The following CCDC149 variants were observed in gnomAD, a reference collection of about 807,000 sequenced individuals.
CCDC149 encodes the protein coiled-coil domain containing 149, also known as coiled-coil domain-containing protein 149.
In CCDC149, 45 loss-of-function variants were observed where a neutral mutation model predicts 59.9. The observed-to-expected ratio is 0.75, with a 90% CI of 0.59 to 0.96. The LOEUF (loss-of-function observed/expected upper bound fraction) is 0.96. CCDC149 is among the 40% of genes least tolerant of loss of function. CCDC149 has a pLI of 0.00. For synonymous variants in CCDC149, 245 were observed against 260.6 expected (o/e 0.94, Z 0.58); for missense variants, 584 against 664.7 (o/e 0.88, Z 1.33).
chr4:24,978,012 G>T (rs1724281825), intron 1 of CCDC149, among the ~76,000 whole-genome samples: 1 of 152,138 alleles, frequency 6.6e-6, no homozygotes, highest in African/African-American at 2.4e-5. Context: ...CACACCTTTA[G>T]TCCCAGCTAC....
intron 1 of CCDC149, among the ~76,000 whole-genome samples, chr4:24,947,118 G>T (rs1723133815): frequency 6.6e-6 from 1 of 152,132 alleles, no homozygotes; most frequent in Non-Finnish European, 1.5e-5. Flanking sequence ...TGCATTGAAA[G>T]AATCTCAGCT....
intron 7 of CCDC149, among the ~76,000 whole-genome samples, chr4:24,835,387 T>A (rs191114921): frequency 6.6e-6 from 1 of 152,158 alleles, no homozygotes; most frequent in African/African-American, 2.4e-5. Context: ...CATGAGATGG[T>A]GACTAGGTTT....
In CCDC149 at chr4:24,836,196, T is replaced by A. The variant is rs1230367648; in HGVS notation, c.735+240A>T. Among the ~76,000 whole-genome samples the A allele has an allele frequency of 3.3e-5, 5 of 152,310 alleles. No individual in the cohort carries two copies. In the East Asian group the frequency reaches 9.6e-4, roughly 29 times the overall value. On this transcript the variant is annotated intron_variant, in intron 7 of 12. Coordinates refer to ENST00000635206, the MANE Select transcript of CCDC149 (RefSeq NM_001330643.2). ...ATACCAGGCGCTAACACATCCTGAG[T>A]GGGCATGCCTTGCTCAGATAACAGC... is the stretch of plus-strand genomic sequence containing the variant.
chr4:24,829,291 G>A (rs911633136), intron 9 of CCDC149: 1 of 152,544 alleles, frequency 6.6e-6, no homozygotes, highest in African/African-American at 2.4e-5. Context: ...CCAGAAGTTG[G>A]AAATGTGGGT....
chr4:24,905,248 T>C (rs1163955291), intron 1 of CCDC149, among the ~76,000 whole-genome samples: 1 of 151,950 alleles, frequency 6.6e-6, no homozygotes, highest in African/African-American at 2.4e-5. Flanking sequence ...GGATACTAGA[T>C]GTGTGTTGTG....
intron 12 of CCDC149, among the ~76,000 whole-genome samples, chr4:24,817,254 G>C (rs1442936094): frequency 2.0e-5 from 3 of 152,132 alleles, no homozygotes; most frequent in Non-Finnish European, 2.9e-5. Flanking sequence ...ATCCTGGCAT[G>C]GCAAAACCAC....
intron 9 of CCDC149, among the ~76,000 whole-genome samples, chr4:24,824,393 CCAA>C (rs1715594614): frequency 6.6e-6 from 1 of 152,278 alleles, no homozygotes; most frequent in Non-Finnish European, 1.5e-5. Flanking sequence ...AATAGTACCA[CCAA>C]CAACAATAGC....
Position 24,808,449 on chromosome 4 carries a change from TG to T in CCDC149, c.1562del (p.Thr521AsnfsTer14). 6.8e-7 allele frequency: 1 copy of T among 1,464,908 alleles called. No individual in the cohort carries two copies. Among genetic ancestry groups the T allele is most frequent in the Non-Finnish European group, 9.0e-7 (1 of 1,107,904 alleles). 90.7% of individuals were successfully genotyped at this position (1,464,908 alleles called of 1,614,324 possible). A position where few individuals can be genotyped will look rare whatever the true frequency, so the allele number is the denominator to read the frequency against. ...CTGGGATCCCTTTGCCGTCTTCCGG[TG>T]TGGAAGCTTTGGCTGCTGGCCGGCT... is the stretch of plus-strand genomic sequence containing the variant. On this transcript the variant is annotated frameshift_variant, in exon 13 of 13. Transcript: ENST00000635206. LOFTEE classifies it low-confidence loss of function (END_TRUNC).
chr4:24,888,915 CTTTTT>C (rs111370422), intron 1 of CCDC149, among the ~76,000 whole-genome samples: 2 of 147,462 alleles, frequency 1.4e-5, no homozygotes, highest in South Asian at 4.3e-4. Context: ...TCTAAGATGA[CTTTTT>C]TTTTTTTATG....
chr4:24,820,589 A>T (rs1396826881), intron 11 of CCDC149, among the ~76,000 whole-genome samples: 1 of 152,212 alleles, frequency 6.6e-6, no homozygotes, highest in Non-Finnish European at 1.5e-5. Flanking sequence ...AGTAGTTTAA[A>T]TGGAGACACA....
chr4:24,871,414 A>G (rs1406299493), intron 3 of CCDC149, among the ~76,000 whole-genome samples: 1 of 152,206 alleles, frequency 6.6e-6, no homozygotes, highest in Non-Finnish European at 1.5e-5. Flanking sequence ...CTGGGTTGCT[A>G]TCTGCATCCA....
chr4:24,870,802 C>A (rs1201525182), intron 3 of CCDC149, among the ~76,000 whole-genome samples: 2 of 152,080 alleles, frequency 1.3e-5, no homozygotes, highest in Non-Finnish European at 2.9e-5. Flanking sequence ...CCTGGCAATT[C>A]AAGATTAAGA....
chr4:24,854,151 A>C (rs948985265), intron 3 of CCDC149, among the ~76,000 whole-genome samples: 4 of 152,114 alleles, frequency 2.6e-5, no homozygotes, highest in African/African-American at 9.7e-5. Flanking sequence ...TGAACCTGGG[A>C]TTCCTGGCCG....
intron 4 of CCDC149, among the ~76,000 whole-genome samples, chr4:24,846,523 CTTAA>C (rs1222503876): frequency 6.6e-6 from 1 of 152,166 alleles, no homozygotes; most frequent in Non-Finnish European, 1.5e-5. Context: ...CGAAGTGTAC[CTTAA>C]TTAGTCACTT....
intron 12 of CCDC149, among the ~76,000 whole-genome samples, chr4:24,811,728 CCAAG>C (rs1714618099): frequency 6.6e-6 from 1 of 152,060 alleles, no homozygotes. Flanking sequence ...CAAAAATTAG[CCAAG>C]TGTGGTAGCG....
chr4:24,946,176 C>T (rs1723105335), intron 1 of CCDC149, among the ~76,000 whole-genome samples: 1 of 152,216 alleles, frequency 6.6e-6, no homozygotes, highest in African/African-American at 2.4e-5. Flanking sequence ...AAACATACAG[C>T]ATTTCTTCTT....
At chr4:24,903,610 T>C (rs1337666707) in intron 1 of CCDC149, among the ~76,000 whole-genome samples, 2 of 152,152 alleles carry the variant, frequency 1.3e-5, no homozygotes, top group Admixed American at 6.5e-5. Context: ...GAAAATTTCA[T>C]CCCTTTTAGG....
chr4:24,832,707 G>T (rs113787531), intron 8 of CCDC149, among the ~76,000 whole-genome samples: 36 of 152,250 alleles, frequency 2.4e-4, no homozygotes, highest in East Asian at 1.3e-3. Context: ...ATATTACAGT[G>T]TGGTATACTA....
intron 1 of CCDC149, among the ~76,000 whole-genome samples, chr4:24,922,536 A>T (rs1722325864): frequency 6.6e-6 from 1 of 152,024 alleles, no homozygotes; most frequent in Non-Finnish European, 1.5e-5. Context: ...ATTCTTTTTC[A>T]TGCTTCTCCA....
Sources: allele counts gnomAD v4.1 joint callset (sites outside exome capture counted in the v4.1 genomes callset), GRCh38; gene constraint gnomAD v4.1.1; transcripts MANE v1.5; gene names NCBI Gene and HGNC (gene_info 2026-07-23, HGNC 2026-07-21).